Variants in STYXL2 observed in about 807,000 individuals in gnomAD.
STYXL2 encodes the protein serine/threonine/tyrosine interacting like 2.
A neutral mutation model predicts 52.4 loss-of-function variants in STYXL2; 44 were observed. That is an observed-to-expected ratio of 0.84 (90% CI 0.66 to 1.08). STYXL2 has a LOEUF of 1.08. Ranked by LOEUF, STYXL2 falls within the 50% of genes least tolerant of loss-of-function variation. The pLI is 0.00. For synonymous variants in STYXL2, 604 were observed against 586.9 expected, an observed-to-expected ratio of 1.03 and a Z score of -0.42; for missense variants, 1,604 against 1,471.7, an observed-to-expected ratio of 1.09 and a Z score of -1.47.
intron 3 of STYXL2, among the ~76,000 whole-genome samples, chr1:167,116,120 TTC>T (rs796956607): frequency 6.6e-6 from 1 of 151,836 alleles, no homozygotes; most frequent in African/African-American, 2.4e-5. Flanking sequence ...CCAGCTTCTT[TTC>T]TCTCTCTCTC....
intron 3 of STYXL2, among the ~76,000 whole-genome samples, chr1:167,114,555 A>G (rs1391558231): frequency 6.6e-6 from 1 of 152,056 alleles, no homozygotes; most frequent in African/African-American, 2.4e-5. Context: ...TTGGTCTTTC[A>G]TTATTAGAAT....
At position 167,119,270 on chromosome 1, in the gene STYXL2, G is replaced by A. The variant is rs61748776; in HGVS notation, c.459G>A (p.Gly153=). 21 of 1,614,134 alleles carry A rather than the reference G, an allele frequency of 1.3e-5. No homozygotes were observed. The highest frequency in any genetic ancestry group is 4.5e-5 in the East Asian group (2 of 44,900). Residue 153 remains glycine, a synonymous_variant, in exon 5 of 6, where the codon GGG becomes GGA. Transcript: ENST00000361200. ...IAEKSVAVNK[G]RLKRLGITHI... ...GCAGGAGTGTGGCTGTGAACAAGGG[G>A]AGGCTGAAGAGGCTGGGAATCACCC...
At chr1:167,097,918 T>C (rs1285118111) in intron 2 of STYXL2, among the ~76,000 whole-genome samples, 1 of 151,950 alleles carries the variant, frequency 6.6e-6, no homozygotes, top group African/African-American at 2.4e-5. Flanking sequence ...ATTCTAGCAC[T>C]TTTGGAGGCT....
intron 5 of STYXL2, among the ~76,000 whole-genome samples, chr1:167,123,650 A>G (rs1159064089): frequency 6.6e-6 from 1 of 152,138 alleles, no homozygotes; most frequent in Non-Finnish European, 1.5e-5. Context: ...AAGAAACAGA[A>G]TCTCACTCTG....
Position 167,127,877 on chromosome 1 carries a change from GC to G in STYXL2, c.2747del (p.Ala916ValfsTer86). ...TGAAACAGACACATGCTCCTCCCTG[GC>G]TGTCTGTGATCACTATGCAAGTGGC... ...KPETDTCSSL[A>X]VCDHYASGSR... On this transcript the variant is annotated frameshift_variant, in exon 6 of 6. Transcript: ENST00000361200. LOFTEE classifies it high-confidence loss of function. The G allele has an allele frequency of 6.2e-7, 1 of 1,614,010 alleles. No individual in the cohort carries two copies. The highest frequency in any genetic ancestry group is 8.5e-7 in the Non-Finnish European group (1 of 1,180,034).
intron 2 of STYXL2, among the ~76,000 whole-genome samples, chr1:167,099,341 T>C (rs535318947): frequency 2.6e-5 from 4 of 152,184 alleles, no homozygotes; most frequent in African/African-American, 9.6e-5. Context: ...AAACAATAAA[T>C]AAAATTAACC....
Position 167,113,886 on chromosome 1 carries a change from A to G in STYXL2, c.205+82A>G, listed in dbSNP as rs1391758487. ...AGAGGGGGGCCATTGGAAGACGTCA[A>G]TGTGCCTCTCAGGTGCTGCCCATCA... On this transcript the variant is annotated intron_variant, in intron 3 of 5. Coordinates refer to ENST00000361200, the MANE Select transcript of STYXL2 (RefSeq NM_001080426.3). 10 of 1,086,230 alleles carry G rather than the reference A, an allele frequency of 9.2e-6. No homozygotes were observed. In the African/African-American group the frequency reaches 9.3e-5, roughly 10 times the overall value. 67.3% of individuals were successfully genotyped at this position (1,086,230 alleles called of 1,614,324 possible).
intron 2 of STYXL2, among the ~76,000 whole-genome samples, chr1:167,107,179 G>A (rs6427061): frequency 0.35 from 52,708 of 151,808 alleles, 10,111 homozygotes; most frequent in East Asian, 0.73. Context: ...GGGGGTAGTC[G>A]GACTTCTTAT....
chr1:167,127,569 G>A lies in STYXL2; in HGVS notation c.2438G>A (p.Arg813Lys). 1 of 1,614,148 alleles carries A rather than the reference G, an allele frequency of 6.2e-7. No individual in the cohort carries two copies. Among genetic ancestry groups the A allele is most frequent in the South Asian group, 1.1e-5 (1 of 91,068 alleles). ...TTLSSPAESC[R>K]SKVRGTSKPI... ...CTGAGCTCACCCGCGGAAAGTTGCA[G>A]AAGCAAAGTGAGGGGGACCAGCAAG... Residue 813 changes from arginine (R) to lysine (K), a missense_variant, in exon 6 of 6, where the codon AGA becomes AAA. Coordinates refer to ENST00000361200, the MANE Select transcript of STYXL2 (RefSeq NM_001080426.3).
intron 2 of STYXL2, among the ~76,000 whole-genome samples, chr1:167,103,780 A>C (rs1368589944): frequency 3.9e-5 from 6 of 152,130 alleles, no homozygotes; most frequent in African/African-American, 1.4e-4. Flanking sequence ...TCCCTTACCT[A>C]TAGTCTCCGT....
intron 3 of STYXL2, among the ~76,000 whole-genome samples, chr1:167,114,572 C>A (rs992872061): frequency 1.3e-5 from 2 of 152,120 alleles, no homozygotes; most frequent in Non-Finnish European, 2.9e-5. Context: ...GAATCACATG[C>A]TACTCTTTGT....
chr1:167,117,718 C>A (rs925391410), intron 4 of STYXL2, among the ~76,000 whole-genome samples, 159 bp downstream of exon 4: 3 of 152,202 alleles, frequency 2.0e-5, no homozygotes, highest in Non-Finnish European at 2.9e-5. Context: ...AGAAAGGCCC[C>A]TCCATCCACC....
chr1:167,094,898 G>C lies in STYXL2; in HGVS notation c.49G>C (p.Glu17Gln), dbSNP rs778182125. 1 of 1,613,348 alleles carries C rather than the reference G, an allele frequency of 6.2e-7. No homozygotes were observed. The highest frequency in any genetic ancestry group is 8.5e-7 in the Non-Finnish European group (1 of 1,179,836). ...GGAGGAGCAGGTAGTCCCAAGCGAG[G>C]AGGACGAAGCCAACGTGAGGGCGGT... ...TEEEQVVPSEEDEANVRAVQA... is the reference protein window; with the variant it reads ...TEEEQVVPSEQDEANVRAVQA... The change falls in exon 2 of 6, where the codon GAG (glutamate) becomes CAG (glutamine). Residue 17 changes from glutamate to glutamine, a missense_variant. By Grantham distance (29) the Glu-to-Gln change is conservative. Transcript: ENST00000361200.
In STYXL2 at chr1:167,111,835, C is replaced by T. The variant is rs181860396; in HGVS notation, c.111-1875C>T. 2.4e-3 allele frequency among the ~76,000 whole-genome samples: 363 copies of T among 152,090 alleles called. 2 individuals carry two copies. Among genetic ancestry groups the T allele is most frequent in the Non-Finnish European group, 2.1e-3 (146 of 67,968 alleles). ...ATGGGTACACCAAACTCTCAGAAAT[C>T]ACCACTAAAGAACATGTCCATGTAA... On this transcript the variant is annotated intron_variant, in intron 2 of 5. Coordinates refer to ENST00000361200, the MANE Select transcript of STYXL2 (RefSeq NM_001080426.3).
intron 5 of STYXL2, among the ~76,000 whole-genome samples, chr1:167,123,825 T>C (rs1667906456): frequency 6.6e-6 from 1 of 152,214 alleles, no homozygotes; most frequent in African/African-American, 2.4e-5. Flanking sequence ...GGTTTTGCCA[T>C]GTTGGCCAGG....
Position 167,127,101 on chromosome 1 carries a change from T to C in STYXL2, c.1970T>C (p.Ile657Thr). ...GACAGCTCCACGGCCAGCGGGAGCATTCCCCTGTCTGCGTTCTGGTCTGCA... is the reference window on the plus strand; with the variant it reads ...GACAGCTCCACGGCCAGCGGGAGCACTCCCCTGTCTGCGTTCTGGTCTGCA... ...EADSSTASGSIPLSAFWSADP... is the reference protein window; with the variant it reads ...EADSSTASGSTPLSAFWSADP... Residue 657 changes from isoleucine (I) to threonine (T), a missense_variant, in exon 6 of 6, where the codon ATT (isoleucine) becomes ACT (threonine). Transcript: ENST00000361200. 6.2e-7 allele frequency: 1 copy of C among 1,613,872 alleles called. No individual in the cohort carries two copies. The highest frequency in any genetic ancestry group is 1.1e-5 in the South Asian group (1 of 91,050).
At chr1:167,124,966 C>T (rs267744) in intron 5 of STYXL2, among the ~76,000 whole-genome samples, 121,027 of 148,556 alleles carry the variant, frequency 0.81, 50,090 homozygotes, top group African/African-American at 0.96. Flanking sequence ...AAAAAAAAAA[C>T]CCTGATAAAT....
Position 167,125,916 on chromosome 1 carries a change from A to G in STYXL2, c.785A>G (p.Tyr262Cys). The change falls in exon 6 of 6, where the codon TAC (tyrosine) becomes TGC (cysteine). Residue 262 changes from tyrosine to cysteine, a missense_variant. Transcript: ENST00000361200. The stretch of plus-strand genomic sequence containing the variant: ...ACCGTGCGTAAGAAGCGGGCCATCT[A>G]CCCCAATGAGGGCTTCCTGAAGCAG... ...LMTVRKKRAI[Y>C]PNEGFLKQLR... 1 of 1,614,022 alleles carries G rather than the reference A, an allele frequency of 6.2e-7. No individual in the cohort carries two copies. The highest frequency in any genetic ancestry group is 8.5e-7 in the Non-Finnish European group (1 of 1,179,992).
chr1:167,119,178 C>G (rs1558024196), intron 4 of STYXL2, 71 bp from the exon 5 acceptor site: 2 of 1,458,394 alleles, frequency 1.4e-6, no homozygotes, highest in East Asian at 4.8e-5. Context: ...CTGAGGCAGG[C>G]TCACCGTCAC....
Sources: allele counts gnomAD v4.1 joint callset (sites outside exome capture counted in the v4.1 genomes callset), GRCh38; gene constraint gnomAD v4.1.1; transcripts MANE v1.5; gene names NCBI Gene and HGNC (gene_info 2026-07-23, HGNC 2026-07-21).